Variants in RBFOX1 observed in about 807,000 individuals in gnomAD.
The protein encoded by RBFOX1 is RNA binding protein fox-1 homolog 1.
RBFOX1 carries 8 observed loss-of-function variants against 57.7 expected under a neutral mutation model. The observed-to-expected ratio is 0.14, with a 90% confidence interval of 0.08 to 0.25. RBFOX1 has a LOEUF of 0.25. Ranked by LOEUF, RBFOX1 falls within the 10% of genes least tolerant of loss-of-function variation. RBFOX1 has a pLI of 1.00. For missense variants in RBFOX1, 611 were observed against 548.5 expected, an observed-to-expected ratio of 1.11 and a Z score of -1.14; for synonymous variants, 326 against 222.4, an observed-to-expected ratio of 1.47 and a Z score of -4.15.
chr16:6,587,194 C>T (rs1417288247), intron 2 of RBFOX1, among the ~76,000 whole-genome samples: 1 of 152,148 alleles, frequency 6.6e-6, no homozygotes, highest in Non-Finnish European at 1.5e-5. Flanking sequence ...CCTCTCTCCG[C>T]ACTGGTAACC....
chr16:6,671,119 C>A (rs774172801), intron 3 of RBFOX1, among the ~76,000 whole-genome samples: 1 of 152,210 alleles, frequency 6.6e-6, no homozygotes, highest in Non-Finnish European at 1.5e-5. Context: ...TTGACCCAAT[C>A]TTACTCATTA....
At chr16:6,605,168 G>T (rs1245307581) in intron 2 of RBFOX1, among the ~76,000 whole-genome samples, 1 of 152,114 alleles carries the variant, frequency 6.6e-6, no homozygotes, top group Non-Finnish European at 1.5e-5. Flanking sequence ...AAGCCCAGGA[G>T]CTCAAGGCTA....
intron 2 of RBFOX1, among the ~76,000 whole-genome samples, chr16:6,544,669 G>T (rs1245916104): frequency 6.6e-6 from 1 of 152,130 alleles, no homozygotes. Context: ...CGCTGACTGC[G>T]TATCCACCCC....
At chr16:5,276,908 C>T (rs1004397062) in intron 1 of RBFOX1, among the ~76,000 whole-genome samples, 16 of 152,158 alleles carry the variant, frequency 1.1e-4, no homozygotes, top group African/African-American at 3.6e-4. Flanking sequence ...ACTAAAAGTA[C>T]ATCTACCATT....
chr16:5,501,015 G>C (rs1210320639), intron 2 of RBFOX1, among the ~76,000 whole-genome samples: 1 of 152,046 alleles, frequency 6.6e-6, no homozygotes, highest in East Asian at 1.9e-4. Context: ...CATTCCATGA[G>C]CCTGAAAAAA....
rs151095538 is a variant in RBFOX1 at position 6,320,180 on chromosome 16, C to T, written c.-64+3123C>T. On this transcript the variant is annotated intron_variant, in intron 2 of 15. Coordinates refer to ENST00000550418, the MANE Select transcript of RBFOX1 (RefSeq NM_018723.4). Reference sequence around the variant, plus strand: ...ATGGTGTATTAGCTGTTAGTTATATCGGAATGACTTAGCGTAACCCTAATC... The same window carrying T: ...ATGGTGTATTAGCTGTTAGTTATATTGGAATGACTTAGCGTAACCCTAATC... Among the ~76,000 whole-genome samples the T allele has an allele frequency of 2.5e-4, 38 of 152,234 alleles. No individual in the cohort carries two copies. The East Asian group carries it at 7.0e-3, about 28-fold the overall frequency.
chr16:6,829,920 T>A (rs185132585), intron 3 of RBFOX1, among the ~76,000 whole-genome samples: 360 of 151,568 alleles, frequency 2.4e-3, no homozygotes, highest in African/African-American at 6.6e-3. Flanking sequence ...TTATTTTATT[T>A]TTTTTATTTT....
chr16:6,485,672 G>T (rs966639058), intron 2 of RBFOX1, among the ~76,000 whole-genome samples: 4 of 152,090 alleles, frequency 2.6e-5, no homozygotes, highest in African/African-American at 9.7e-5. Context: ...CAAGCAACTA[G>T]ACTCTTTGAA....
chr16:5,902,559 G>A (rs974104247), intron 4 of RBFOX1, among the ~76,000 whole-genome samples: 2 of 152,066 alleles, frequency 1.3e-5, no homozygotes, highest in Admixed American at 1.3e-4. Context: ...GGGATTGCAG[G>A]TGCCTGCCAC....
At chr16:5,692,373 GA>G (rs900571274) in intron 3 of RBFOX1, among the ~76,000 whole-genome samples, 1 of 152,066 alleles carries the variant, frequency 6.6e-6, no homozygotes, top group African/African-American at 2.4e-5. Flanking sequence ...TAGCCACCAA[GA>G]AAAAGCGGAC....
chr16:5,313,726 T>C (rs961113655), intron 1 of RBFOX1, among the ~76,000 whole-genome samples: 8 of 152,186 alleles, frequency 5.3e-5, no homozygotes, highest in Non-Finnish European at 8.8e-5. Context: ...CTGAGACTTA[T>C]TCACTATTGC....
chr16:7,113,740 G>A (rs760854875), intron 4 of RBFOX1, among the ~76,000 whole-genome samples: 4 of 152,262 alleles, frequency 2.6e-5, no homozygotes, highest in Middle Eastern at 3.4e-3. Context: ...AATGTCCTAT[G>A]TTATAGATGT....
chr16:6,142,224 CTTT>C (rs796460008), intron 1 of RBFOX1, among the ~76,000 whole-genome samples: 1 of 103,008 alleles, frequency 9.7e-6, no homozygotes, highest in South Asian at 3.7e-4. Context: ...AAATCCAACT[CTTT>C]TTTTTTTTTT....
chr16:6,236,139 T>C (rs2097503691), intron 1 of RBFOX1, among the ~76,000 whole-genome samples: 1 of 152,232 alleles, frequency 6.6e-6, no homozygotes, highest in African/African-American at 2.4e-5. Flanking sequence ...ACATATTCCA[T>C]ACTTTATTTT....
At chr16:6,640,191 C>T (rs368038475) in intron 2 of RBFOX1, among the ~76,000 whole-genome samples, 5 of 152,150 alleles carry the variant, frequency 3.3e-5, no homozygotes, top group Admixed American at 6.5e-5. Context: ...TGAATTTTCT[C>T]TCAAATATTA....
At chr16:5,917,987 T>C (rs1325751407) in intron 4 of RBFOX1, among the ~76,000 whole-genome samples, 2 of 152,086 alleles carry the variant, frequency 1.3e-5, no homozygotes, top group East Asian at 3.9e-4. Flanking sequence ...TCTCCCCACC[T>C]CTCAGATTTA....
At chr16:7,675,819 A>G (rs2073109043) in intron 13 of RBFOX1, among the ~76,000 whole-genome samples, 1 of 152,174 alleles carries the variant, frequency 6.6e-6, no homozygotes, top group South Asian at 2.1e-4. Context: ...TGTTCTAATT[A>G]GAACCTGAAT....
chr16:6,142,435 A>C (rs771999687), intron 1 of RBFOX1, among the ~76,000 whole-genome samples: 9 of 151,838 alleles, frequency 5.9e-5, no homozygotes, highest in Non-Finnish European at 1.2e-4. Context: ...GTTAGCCAGG[A>C]TGGTCTCGAT....
intron 3 of RBFOX1, among the ~76,000 whole-genome samples, chr16:5,719,313 T>A (rs555471657): frequency 1.1e-4 from 17 of 150,476 alleles, no homozygotes; most frequent in African/African-American, 3.6e-4. Flanking sequence ...GCCATTCTCC[T>A]GCCTCAGCCT....
Sources: gnomAD v4.1 joint callset for allele counts (sites outside exome capture counted in the v4.1 genomes callset) on GRCh38, gnomAD v4.1.1 for gene constraint, MANE v1.5 for transcripts, NCBI Gene and HGNC (gene_info 2026-07-23, HGNC 2026-07-21) for gene names.